The following BCHE variants were observed in gnomAD, a reference collection of about 807,000 sequenced individuals.
BCHE encodes cholinesterase.
Under a neutral mutation model 51.3 loss-of-function variants are expected in BCHE, and 48 were observed. The ratio of observed to expected loss-of-function variants is 0.94; its 90% CI spans 0.74 to 1.19. The LOEUF (loss-of-function observed/expected upper bound fraction) is 1.19, where lower values mean the gene tolerates loss of function less well. Ranked by LOEUF, BCHE falls within the 50% of genes most tolerant of loss-of-function variation. The pLI, the probability that BCHE is intolerant of heterozygous loss-of-function variation, is 0.00. For missense variants in BCHE, 847 were observed against 708.2 expected (o/e 1.20, Z -2.23); for synonymous variants, 251 against 238.0 (o/e 1.05, Z -0.50).
intron 3 of BCHE, chr3:165,777,860 G>A: frequency 2.6e-6 from 1 of 386,024 alleles, no homozygotes. Flanking sequence ...TCAATAAGTA[G>A]TAAATATATT....
At chr3:165,777,991 A>G (rs1712538935) in intron 3 of BCHE, among the ~76,000 whole-genome samples, 1 of 152,158 alleles carries the variant, frequency 6.6e-6, no homozygotes, top group African/African-American at 2.4e-5. Flanking sequence ...GGTAAGGTCC[A>G]GTCAAGTAGG....
chr3:165,818,075 T>C (rs1189167600), intron 2 of BCHE, among the ~76,000 whole-genome samples: 1 of 152,110 alleles, frequency 6.6e-6, no homozygotes. Context: ...AATGTCTATC[T>C]GAGGGAATGC....
chr3:165,799,817 A>G (rs925231201), intron 2 of BCHE, among the ~76,000 whole-genome samples: 4 of 152,090 alleles, frequency 2.6e-5, no homozygotes, highest in Non-Finnish European at 5.9e-5. Context: ...AACCAAAATA[A>G]TTTCAAATCT....
chr3:165,786,705 A>G (rs866137078), intron 2 of BCHE, among the ~76,000 whole-genome samples: 1 of 151,670 alleles, frequency 6.6e-6, no homozygotes. Flanking sequence ...TCACTTACTC[A>G]TCTTTTGCAT....
At chr3:165,813,229 A>C (rs1714176590) in intron 2 of BCHE, among the ~76,000 whole-genome samples, 2 of 151,858 alleles carry the variant, frequency 1.3e-5, no homozygotes, top group African/African-American at 4.8e-5. Context: ...TTTAATATGT[A>C]GTTGAAATCT....
chr3:165,808,096 G>A (rs1275945201), intron 2 of BCHE, among the ~76,000 whole-genome samples: 1 of 151,938 alleles, frequency 6.6e-6, no homozygotes, highest in African/African-American at 2.4e-5. Context: ...CCATTCTCCT[G>A]TCTCAGCCTC....
chr3:165,828,609 T>C (rs993037357), intron 2 of BCHE, among the ~76,000 whole-genome samples: 5 of 152,274 alleles, frequency 3.3e-5, no homozygotes, highest in African/African-American at 9.6e-5. Flanking sequence ...AATCAACTTA[T>C]GATTTATGTA....
chr3:165,805,402 G>C (rs190228737), intron 2 of BCHE, among the ~76,000 whole-genome samples: 3 of 152,284 alleles, frequency 2.0e-5, no homozygotes, highest in Admixed American at 6.5e-5. Flanking sequence ...TAGAAGCTTA[G>C]AAAATGTGTT....
intron 2 of BCHE, among the ~76,000 whole-genome samples, chr3:165,815,882 C>T (rs1714296145): frequency 6.6e-6 from 1 of 151,852 alleles, no homozygotes; most frequent in African/African-American, 2.4e-5. Flanking sequence ...CTACTTATAC[C>T]AGGTTGCTTA....
At chr3:165,823,775 C>T (rs1191338657) in intron 2 of BCHE, among the ~76,000 whole-genome samples, 1 of 151,624 alleles carries the variant, frequency 6.6e-6, no homozygotes, top group Non-Finnish European at 1.5e-5. Context: ...TTTTTTTTCT[C>T]AGAGAGGAGA....
At chr3:165,803,162 A>G (rs1294495247) in intron 2 of BCHE, among the ~76,000 whole-genome samples, 3 of 152,218 alleles carry the variant, frequency 2.0e-5, no homozygotes, top group Non-Finnish European at 4.4e-5. Flanking sequence ...ATAATTAATC[A>G]TATATTCAAA....
chr3:165,818,819 T>C (rs1483267964), intron 2 of BCHE, among the ~76,000 whole-genome samples: 1 of 152,140 alleles, frequency 6.6e-6, no homozygotes, highest in Non-Finnish European at 1.5e-5. Flanking sequence ...ATACGTATTA[T>C]TCACTGGGCA....
At chr3:165,784,276 A>C (rs925791850) in intron 3 of BCHE, among the ~76,000 whole-genome samples, 2 of 151,930 alleles carry the variant, frequency 1.3e-5, no homozygotes, top group Admixed American at 6.6e-5. Flanking sequence ...TGTCCACACT[A>C]TTTATTTATA....
At chr3:165,804,768 C>T (rs893831604) in intron 2 of BCHE, among the ~76,000 whole-genome samples, 2 of 152,114 alleles carry the variant, frequency 1.3e-5, no homozygotes, top group Admixed American at 6.6e-5. Flanking sequence ...ACATTAATGC[C>T]AGGCAACATT....
At chr3:165,787,161 ATGAAT>A (rs1276707415) in intron 2 of BCHE, among the ~76,000 whole-genome samples, 13 of 151,892 alleles carry the variant, frequency 8.6e-5, no homozygotes, top group Middle Eastern at 3.4e-3. Context: ...TTATTTGAAA[ATGAAT>A]AACTGTCGAC....
chr3:165,827,394 T>A (rs1052570738), intron 2 of BCHE, among the ~76,000 whole-genome samples: 3 of 151,630 alleles, frequency 2.0e-5, no homozygotes, highest in Non-Finnish European at 4.4e-5. Context: ...AATGTCAATT[T>A]TTATTTATTT....
rs1421752697 is a variant in BCHE, at chr3:165,793,731, C to A, written c.1518-7420G>T. ...AACTATTTGTTGTGGCAATCAGACA[C>A]CCTGGGACAACTTTTCAGTGTCTCA... On this transcript the variant is annotated intron_variant, in intron 2 of 3. Coordinates refer to ENST00000264381, the MANE Select transcript of BCHE (RefSeq NM_000055.4). Among the ~76,000 whole-genome samples the A allele has an allele frequency of 3.3e-5, 5 of 152,138 alleles. No individual in the cohort carries two copies. The South Asian group carries it at 1.0e-3, about 31-fold the overall frequency.
Position 165,830,814 on chromosome 3 carries a change from G to C in BCHE, c.220C>G (p.Pro74Ala). ...TCAGACCACTTGGTCAGAGACTGTGGCTTTTTGAATCGAAGTCTACCAAGA... is the reference window on the plus strand; with the variant it reads ...TCAGACCACTTGGTCAGAGACTGTGCCTTTTTGAATCGAAGTCTACCAAGA... Reference protein sequence around the residue: ...PPLGRLRFKKPQSLTKWSDIW... With the variant: ...PPLGRLRFKKAQSLTKWSDIW... Residue 74 changes from proline (P) to alanine (A), a missense_variant, in exon 2 of 4, where the codon CCA becomes GCA. Physicochemically the swap from Pro to Ala is conservative, Grantham distance 27. Coordinates refer to ENST00000264381, the MANE Select transcript of BCHE (RefSeq NM_000055.4). 1.2e-6 allele frequency: 2 copies of C among 1,613,872 alleles called. No homozygotes were observed. Among genetic ancestry groups the C allele is most frequent in the Non-Finnish European group, 1.7e-6 (2 of 1,179,916 alleles).
At chr3:165,832,481 G>A (rs953364170) in intron 1 of BCHE, among the ~76,000 whole-genome samples, 1 of 151,882 alleles carries the variant, frequency 6.6e-6, no homozygotes, top group Non-Finnish European at 1.5e-5. Context: ...TAGTAGAGAT[G>A]GGGTTTTACC....
Sources: allele counts gnomAD v4.1 joint callset (sites outside exome capture counted in the v4.1 genomes callset), GRCh38; gene constraint gnomAD v4.1.1; transcripts MANE v1.5; gene names NCBI Gene and HGNC (gene_info 2026-07-23, HGNC 2026-07-21).